Variants in ZNF521 observed in about 807,000 individuals in gnomAD.
ZNF521 encodes zinc finger protein 521, also known as LYST-interacting protein 3.
Under a neutral mutation model 105.5 loss-of-function variants are expected in ZNF521, and 14 were observed. The observed-to-expected ratio is 0.13, with a 90% CI of 0.09 to 0.21. The LOEUF is 0.21. Ranked by LOEUF, ZNF521 falls within the 10% of genes least tolerant of loss-of-function variation. ZNF521 has a pLI of 1.00. For synonymous variants in ZNF521, 635 were observed against 606.0 expected (o/e 1.05, Z -0.70); for missense variants, 1,233 against 1,629.7 (o/e 0.76, Z 4.19).
At chr18:25,275,293 T>A (rs551632375) in intron 3 of ZNF521, among the ~76,000 whole-genome samples, 1 of 152,102 alleles carries the variant, frequency 6.6e-6, no homozygotes, top group Admixed American at 6.6e-5. Flanking sequence ...GGCGCAAAAA[T>A]TTTTTTAAAA....
intron 2 of ZNF521, among the ~76,000 whole-genome samples, chr18:25,323,037 T>C (rs1913022654): frequency 6.6e-6 from 1 of 151,948 alleles, no homozygotes; most frequent in African/African-American, 2.4e-5. Context: ...ATAAACGCTT[T>C]TTGATTAGTT....
chr18:25,150,311 G>C (rs948705824), intron 5 of ZNF521, among the ~76,000 whole-genome samples: 1 of 152,114 alleles, frequency 6.6e-6, no homozygotes, highest in Non-Finnish European at 1.5e-5. Context: ...AGGGATAAAA[G>C]ACTACAAATT....
intron 3 of ZNF521, chr18:25,302,976 T>C (rs2145075575): frequency 6.6e-6 from 1 of 152,330 alleles, no homozygotes; most frequent in Middle Eastern, 3.4e-3. Context: ...TGAGACACTA[T>C]CAGTTGCACA....
chr18:25,252,871 G>A (rs1227524787), intron 3 of ZNF521, among the ~76,000 whole-genome samples: 1 of 152,096 alleles, frequency 6.6e-6, no homozygotes, highest in African/African-American at 2.4e-5. Flanking sequence ...GGCTTATACA[G>A]GAGAGCAAAG....
chr18:25,206,114 C>A (rs1039934811), intron 4 of ZNF521, among the ~76,000 whole-genome samples: 4 of 152,146 alleles, frequency 2.6e-5, no homozygotes, highest in African/African-American at 7.2e-5. Flanking sequence ...AACAAGTCTC[C>A]TGCCTCAGCC....
Position 25,190,125 on chromosome 18 carries a change from C to G in ZNF521, c.3658+5035G>C, listed in dbSNP as rs187146890. Reference sequence around the variant, plus strand: ...CCACATGAGGGTAGCTTTCTGTTACCATTAAACTGCCCAGATTTCATCTTT... The same window carrying G: ...CCACATGAGGGTAGCTTTCTGTTACGATTAAACTGCCCAGATTTCATCTTT... On this transcript the variant is annotated intron_variant, in intron 5 of 7. Coordinates refer to ENST00000361524, the MANE Select transcript of ZNF521 (RefSeq NM_015461.3). Among the ~76,000 whole-genome samples, 8 of 152,284 alleles carry G rather than the reference C, an allele frequency of 5.3e-5. No individual in the cohort carries two copies. The South Asian group carries it at 8.3e-4, about 16-fold the overall frequency.
At chr18:25,125,476 A>G (rs1406590126) in intron 5 of ZNF521, among the ~76,000 whole-genome samples, 1 of 152,036 alleles carries the variant, frequency 6.6e-6, no homozygotes. Flanking sequence ...CTAAAATGAA[A>G]CAGTAATTGG....
chr18:25,226,995 T>G lies in ZNF521; in HGVS notation c.923A>C (p.Lys308Thr). ...AGAACAAATGCTGCATGAGTTCTTC[T>G]TCTCCCCGCTATGCACCTGCTCCAT... ...NHMEQVHSGE[K>T]KNSCSICSES... Residue 308 changes from lysine (K) to threonine (T), a missense_variant, in exon 4 of 8, where the codon AAG becomes ACG. Coordinates refer to ENST00000361524, the MANE Select transcript of ZNF521 (RefSeq NM_015461.3). The surrounding 1 kb of genome is among the most constrained non-coding windows in gnomAD (Gnocchi z 4.1). 3 of 1,614,122 alleles carry G rather than the reference T, an allele frequency of 1.9e-6. No homozygotes were observed. The highest frequency in any genetic ancestry group is 2.5e-6 in the Non-Finnish European group (3 of 1,180,012).
intron 5 of ZNF521, among the ~76,000 whole-genome samples, chr18:25,188,522 T>C (rs1351089320): frequency 1.3e-5 from 2 of 152,198 alleles, no homozygotes; most frequent in East Asian, 3.8e-4. Flanking sequence ...TCTTTTTAGG[T>C]ATTACTGATG....
intron 4 of ZNF521, among the ~76,000 whole-genome samples, chr18:25,217,149 G>A (rs1905380519): frequency 1.3e-5 from 2 of 152,112 alleles, no homozygotes; most frequent in East Asian, 1.9e-4. Context: ...GGGAAGCCAC[G>A]AAAAAATTTT....
At chr18:25,211,245 C>T (rs904507094) in intron 4 of ZNF521, among the ~76,000 whole-genome samples, 3 of 152,110 alleles carry the variant, frequency 2.0e-5, no homozygotes, top group Non-Finnish European at 4.4e-5. Context: ...TTTAGAATAT[C>T]ATTTTGTATT....
At chr18:25,210,768 C>T (rs1158352437) in intron 4 of ZNF521, among the ~76,000 whole-genome samples, 1 of 152,172 alleles carries the variant, frequency 6.6e-6, no homozygotes, top group Non-Finnish European at 1.5e-5. Flanking sequence ...CAAAGCCCAG[C>T]CTCTGCCCCT....
At chr18:25,232,746 T>C (rs1906618551) in intron 3 of ZNF521, among the ~76,000 whole-genome samples, 1 of 152,200 alleles carries the variant, frequency 6.6e-6, no homozygotes, top group Non-Finnish European at 1.5e-5. Flanking sequence ...CTCTTCTCCT[T>C]AAAACACGAG....
At chr18:25,199,877 A>G (rs1025083535) in intron 4 of ZNF521, among the ~76,000 whole-genome samples, 1 of 152,078 alleles carries the variant, frequency 6.6e-6, no homozygotes. Flanking sequence ...TGTTTTTTAC[A>G]TAAATCTAAT....
At chr18:25,103,339 G>C (rs1048070681) in intron 5 of ZNF521, among the ~76,000 whole-genome samples, 1 of 152,100 alleles carries the variant, frequency 6.6e-6, no homozygotes, top group African/African-American at 2.4e-5. Context: ...GGCTGGGCTT[G>C]AGTGCTCCTT....
chr18:25,092,161 T>C, intron 5 of ZNF521, 80 bp from the exon 6 acceptor site: 5 of 1,503,188 alleles, frequency 3.3e-6, no homozygotes, highest in Non-Finnish European at 4.5e-6. Context: ...TTTAATTGCA[T>C]ATATTAAACT....
intron 3 of ZNF521, among the ~76,000 whole-genome samples, chr18:25,291,971 A>G (rs1208766275): frequency 6.6e-6 from 1 of 152,196 alleles, no homozygotes; most frequent in Non-Finnish European, 1.5e-5. Flanking sequence ...CTTTTGGTAC[A>G]GGAAATATTT....
intron 3 of ZNF521, among the ~76,000 whole-genome samples, chr18:25,316,630 G>A (rs1423178038): frequency 6.6e-6 from 1 of 152,088 alleles, no homozygotes; most frequent in Non-Finnish European, 1.5e-5. Flanking sequence ...GCAACCTTCA[G>A]GCAACTCAAG....
intron 5 of ZNF521, among the ~76,000 whole-genome samples, chr18:25,100,799 T>C (rs1039683232): frequency 6.6e-6 from 1 of 152,210 alleles, no homozygotes; most frequent in East Asian, 1.9e-4. Flanking sequence ...TTAGAGAAAT[T>C]TGCCTGTGCA....
Sources: gnomAD v4.1 joint callset for allele counts (sites outside exome capture counted in the v4.1 genomes callset) on GRCh38, gnomAD v4.1.1 for gene constraint, Gnocchi (gnomAD v3.1) non-coding constraint, MANE v1.5 for transcripts, NCBI Gene and HGNC (gene_info 2026-07-23, HGNC 2026-07-21) for gene names.